The following OR10A6 variants were observed in gnomAD, a reference collection of about 807,000 sequenced individuals.
OR10A6 encodes olfactory receptor 10A6.
OR10A6 carries 2 observed loss-of-function variants against 1.5 expected under a neutral mutation model. The ratio of observed to expected loss-of-function variants is 1.31; its 90% CI spans 0.54 to 4.13. OR10A6 has a LOEUF of 4.13. Among genes scored for constraint, OR10A6 ranks in the 30% most tolerant of loss-of-function variants. OR10A6 has a pLI of 0.07. For missense variants in OR10A6, 492 were observed against 368.6 expected (o/e 1.33, Z -2.74); for synonymous variants, 169 against 137.3 (o/e 1.23, Z -1.61).
rs1425002301 is a variant in OR10A6, at chr11:7,924,636, A to G, written c.*3082T>C. On this transcript the variant is annotated 3_prime_UTR_variant, in exon 4 of 4. Coordinates refer to ENST00000641238, the MANE Select transcript of OR10A6 (RefSeq NM_001004461.2). ...TAACAGAAAACCTAGCAAATACTGG[A>G]TTAAACAAAGACAAGGTTTATTTCT... 1 of 151,426 alleles carries G rather than the reference A, an allele frequency of 6.6e-6. No homozygotes were observed. Among genetic ancestry groups the G allele is most frequent in the East Asian group, 1.9e-4 (1 of 5,180 alleles). The allele number at this position is 151,426 out of a possible 1,614,324, so 9.4% of individuals were successfully genotyped here.
chr11:7,928,473 G>A lies in OR10A6; in HGVS notation c.190C>T (p.Leu64=), dbSNP rs141585665. The change falls in exon 4 of 4, where the codon CTG becomes TTG. Residue 64 remains leucine (L), a synonymous_variant. Coordinates refer to ENST00000641238, the MANE Select transcript of OR10A6 (RefSeq NM_001004461.2). ...CTCAGGTCCACCACAGATAAGTTCAGGAGAAACAGGTACATGGGAACGTGG... is the reference window on the plus strand; with the variant it reads ...CTCAGGTCCACCACAGATAAGTTCAAGAGAAACAGGTACATGGGAACGTGG... ...SLHVPMYLFL[L]NLSVVDLSFS... 7.3e-5 allele frequency: 118 copies of A among 1,613,904 alleles called. 2 individuals are homozygous for A. The African/African-American group carries it at 1.4e-3, about 20-fold the overall frequency.
chr11:7,930,749 G>T (rs1859518968), intron 3 of OR10A6, 112 bp downstream of exon 3: 1 of 152,158 alleles, frequency 6.6e-6, no homozygotes, highest in Non-Finnish European at 1.5e-5. Context: ...TGTAAAAGTA[G>T]ATTGGTTTTA....
chr11:7,931,163 A>G (rs1197519072), intron 1 of OR10A6, 34 bp downstream of exon 1: 1 of 152,214 alleles, frequency 6.6e-6, no homozygotes, highest in African/African-American at 2.4e-5. Flanking sequence ...AAGTCCCACC[A>G]AAACGCACAG....
In OR10A6 at chr11:7,929,143, A is replaced by G. The variant is rs1859476639; in HGVS notation, c.-481T>C. ...TCCAATGTTACAGCATATTTGATAT[A>G]AACTTATTTAAAATATTAATTAGAT... On this transcript the variant is annotated 5_prime_UTR_variant, in exon 4 of 4. Transcript: ENST00000641238. The G allele has an allele frequency of 6.6e-6, 1 of 152,648 alleles. No homozygotes were observed. 9.5% of individuals were successfully genotyped at this position (152,648 alleles called of 1,614,324 possible). A position where few individuals can be genotyped will look rare whatever the true frequency, so the allele number is the denominator to read the frequency against.
At position 7,924,888 on chromosome 11, in the gene OR10A6, A is replaced by C. The variant is rs1159532391; in HGVS notation, c.*2830T>G. 3 of 152,126 alleles carry C rather than the reference A, an allele frequency of 2.0e-5. No individual in the cohort carries two copies. The highest frequency in any genetic ancestry group is 4.4e-5 in the Non-Finnish European group (3 of 68,032). 9.4% of individuals were successfully genotyped at this position (152,126 alleles called of 1,614,324 possible). A position where few individuals can be genotyped will look rare whatever the true frequency, so the allele number is the denominator to read the frequency against. ...GTTGAAGAGCAAAAAGTCCTTATTA[A>C]CTAAGTCACATTTTTAAAGAGTTTT... On this transcript the variant is annotated 3_prime_UTR_variant, in exon 4 of 4. Transcript: ENST00000641238.
In OR10A6 at chr11:7,927,752, A is replaced by G. The variant is rs764021077; in HGVS notation, c.911T>C (p.Leu304Ser). 13 of 1,613,688 alleles carry G rather than the reference A, an allele frequency of 8.1e-6. No homozygotes were observed. The East Asian group carries it at 2.9e-4, about 36-fold the overall frequency. Residue 304 changes from leucine (L) to serine (S), a missense_variant, in exon 4 of 4, where the codon TTA becomes TCA. Coordinates refer to ENST00000641238, the MANE Select transcript of OR10A6 (RefSeq NM_001004461.2). ...NSEMKRALMK[L>S]WRRRVVLHTI The stretch of plus-strand genomic sequence containing the variant: ...GTGTAAAACCACTCGCCTTCGCCAT[A>G]ATTTCATCAAAGCCCTCTTCATCTC...
At position 7,929,962 on chromosome 11, in the gene OR10A6, G is replaced by GTGTATATATATATATATATA. The variant is rs1433020713; in HGVS notation, c.-1301_-1300insTATATATATATATATATACA. On this transcript the variant is annotated 5_prime_UTR_variant, in exon 4 of 4. Coordinates refer to ENST00000641238, the MANE Select transcript of OR10A6 (RefSeq NM_001004461.2). ...AAGCTCTAGTAAGGTATGTGTATGT[G>GTGTATATATATATATATATA]TATGTATATATATATATATATATAT... 3.2e-4 allele frequency: 8 copies of GTGTATATATATATATATATA among 24,790 alleles called. No individual in the cohort carries two copies. Among genetic ancestry groups the GTGTATATATATATATATATA allele is most frequent in the African/African-American group, 1.4e-3 (8 of 5,730 alleles). The allele number at this position is 24,790 out of a possible 1,614,324, so 1.5% of individuals were successfully genotyped here.
rs1178653290 is a variant in OR10A6 at position 7,926,628 on chromosome 11, C to T, written c.*1090G>A. 6.6e-6 allele frequency: 1 copy of T among 152,130 alleles called. No homozygotes were observed. The highest frequency in any genetic ancestry group is 2.4e-5 in the African/African-American group (1 of 41,428). The allele number at this position is 152,130 out of a possible 1,614,324, so 9.4% of individuals were successfully genotyped here. ...CGCTTTATTACCCCACCTCCACCCC[C>T]AGAGCAGAAATGAAGGGTGTTGTCA... On this transcript the variant is annotated 3_prime_UTR_variant, in exon 4 of 4. Coordinates refer to ENST00000641238, the MANE Select transcript of OR10A6 (RefSeq NM_001004461.2).
At position 7,926,587 on chromosome 11, in the gene OR10A6, G is replaced by C; in HGVS notation, c.*1131C>G. 1 of 152,248 alleles carries C rather than the reference G, an allele frequency of 6.6e-6. No individual in the cohort carries two copies. Among genetic ancestry groups the C allele is most frequent in the East Asian group, 1.9e-4 (1 of 5,182 alleles). The allele number at this position is 152,248 out of a possible 1,614,324, so 9.4% of individuals were successfully genotyped here. A position where few individuals can be genotyped will look rare whatever the true frequency, so the allele number is the denominator to read the frequency against. On this transcript the variant is annotated 3_prime_UTR_variant, in exon 4 of 4. Transcript: ENST00000641238. Reference sequence around the variant, plus strand: ...TTTCCATCCAATGAATGATTGTTTTGTAGAAGTGTTCTAACCGCTTTATTA... The same window carrying C: ...TTTCCATCCAATGAATGATTGTTTTCTAGAAGTGTTCTAACCGCTTTATTA...
rs1179088565 is a variant in OR10A6, at chr11:7,926,535, A to G, written c.*1183T>C. On this transcript the variant is annotated 3_prime_UTR_variant, in exon 4 of 4. Coordinates refer to ENST00000641238, the MANE Select transcript of OR10A6 (RefSeq NM_001004461.2). ...TTGCAACTTCACCTTTATTTTTGGCAGAAGGAGTAGTGAAGAAAAGAAGGG... is the reference window on the plus strand; with the variant it reads ...TTGCAACTTCACCTTTATTTTTGGCGGAAGGAGTAGTGAAGAAAAGAAGGG... 1 of 152,160 alleles carries G rather than the reference A, an allele frequency of 6.6e-6. No individual in the cohort carries two copies. The highest frequency in any genetic ancestry group is 1.5e-5 in the Non-Finnish European group (1 of 68,016). The allele number at this position is 152,160 out of a possible 1,614,324, so 9.4% of individuals were successfully genotyped here.
rs769879762 is a variant in OR10A6, at chr11:7,927,950, A to G, written c.713T>C (p.Phe238Ser). 1.2e-6 allele frequency: 2 copies of G among 1,613,966 alleles called. No individual in the cohort carries two copies. The change falls in exon 4 of 4, where the codon TTT (phenylalanine) becomes TCT (serine). Residue 238 changes from phenylalanine (F) to serine (S), a missense_variant. Phe to Ser is a radical substitution (Grantham distance 155, BLOSUM62 -2). Transcript: ENST00000641238. The stretch of plus-strand genomic sequence containing the variant: ...TGTGAGGTGAGCGGCACAGGTGGAA[A>G]AGGCCTTTTGTCTCCCAGTGGTTGA... ...MPSTTGRQKA[F>S]STCAAHLTSV...
Position 7,927,793 on chromosome 11 carries a change from G to T in OR10A6, c.870C>A (p.Tyr290Ter), listed in dbSNP as rs770515212. The T allele has an allele frequency of 6.2e-6, 10 of 1,613,966 alleles. No individual in the cohort carries two copies. The highest frequency in any genetic ancestry group is 8.5e-6 in the Non-Finnish European group (10 of 1,179,918). ...LLTPLLNLLIYSLRNSEMKRA... is the reference protein window; with the variant it reads ...LLTPLLNLLI ...TCTTCATCTCACTATTTCGCAAACTGTAGATAAGCAGATTCAGCAGTGGTG... is the reference window on the plus strand; with the variant it reads ...TCTTCATCTCACTATTTCGCAAACTTTAGATAAGCAGATTCAGCAGTGGTG... Residue 290 changes from tyrosine (Y) to a stop codon, truncating the protein, a stop_gained, in exon 4 of 4, where the codon TAC (tyrosine) becomes TAA (stop). Coordinates refer to ENST00000641238, the MANE Select transcript of OR10A6 (RefSeq NM_001004461.2). LOFTEE classifies it low-confidence loss of function (END_TRUNC).
At position 7,928,724 on chromosome 11, in the gene OR10A6, T is replaced by C. The variant is rs930520164; in HGVS notation, c.-62A>G. 1 of 1,232,612 alleles carries C rather than the reference T, an allele frequency of 8.1e-7. No homozygotes were observed. Among genetic ancestry groups the C allele is most frequent in the Admixed American group, 2.5e-5 (1 of 39,478 alleles). 76.4% of individuals were successfully genotyped at this position (1,232,612 alleles called of 1,614,324 possible). ...TAGTATATACAGAATAAAGCCACAG[T>C]CCATTAGCTAAGAGTTCCAGTCTGC... On this transcript the variant is annotated 5_prime_UTR_variant, in exon 4 of 4. Coordinates refer to ENST00000641238, the MANE Select transcript of OR10A6 (RefSeq NM_001004461.2).
In OR10A6 at chr11:7,928,870, G is replaced by C. The variant is rs1859471778; in HGVS notation, c.-208C>G. Reference sequence around the variant, plus strand: ...TCCAAATATAAAAAATAGAAATGAAGAATTCTGGCTCAGAGATCTTGTCAA... The same window carrying C: ...TCCAAATATAAAAAATAGAAATGAACAATTCTGGCTCAGAGATCTTGTCAA... On this transcript the variant is annotated 5_prime_UTR_variant, in exon 4 of 4. Coordinates refer to ENST00000641238, the MANE Select transcript of OR10A6 (RefSeq NM_001004461.2). 1 of 405,616 alleles carries C rather than the reference G, an allele frequency of 2.5e-6. No homozygotes were observed. The highest frequency in any genetic ancestry group is 2.1e-5 in the African/African-American group (1 of 48,622). The allele number at this position is 405,616 out of a possible 1,614,324, so 25.1% of individuals were successfully genotyped here. A position where few individuals can be genotyped will look rare whatever the true frequency, so the allele number is the denominator to read the frequency against.
Position 7,928,176 on chromosome 11 carries a change from C to A in OR10A6, c.487G>T (p.Val163Leu). The change falls in exon 4 of 4, where the codon GTA (valine) becomes TTA (leucine). Residue 163 changes from valine to leucine, a missense_variant. Val to Leu is a conservative substitution (Grantham distance 32). Transcript: ENST00000641238. ...AGGCCACAAAAGGGAAAACTAGATA[C>A]CCATGATGTTTGAACAGTACCTAAC... Reference protein sequence around the residue: ...FMLGTVQTSWVSSFPFCGLNE... With the variant: ...FMLGTVQTSWLSSFPFCGLNE... The A allele has an allele frequency of 6.2e-7, 1 of 1,613,390 alleles. No individual in the cohort carries two copies. Among genetic ancestry groups the A allele is most frequent in the Non-Finnish European group, 8.5e-7 (1 of 1,179,510 alleles).
rs1212668378 is a variant in OR10A6, at chr11:7,927,303, A to T, written c.*415T>A. On this transcript the variant is annotated 3_prime_UTR_variant, in exon 4 of 4. Coordinates refer to ENST00000641238, the MANE Select transcript of OR10A6 (RefSeq NM_001004461.2). Reference sequence around the variant, plus strand: ...CAGTCTGAAGTTGTTAAAATCATTTAAAAAAGTAACTCAGTAATATCTATG... The same window carrying T: ...CAGTCTGAAGTTGTTAAAATCATTTTAAAAAGTAACTCAGTAATATCTATG... The T allele has an allele frequency of 1.3e-5, 2 of 158,002 alleles. No homozygotes were observed. Among genetic ancestry groups the T allele is most frequent in the Non-Finnish European group, 2.8e-5 (2 of 72,314 alleles). The allele number at this position is 158,002 out of a possible 1,614,324, so 9.8% of individuals were successfully genotyped here.
chr11:7,929,966 G>GTGTGTATA lies in OR10A6; in HGVS notation c.-1305_-1304insTATACACA, dbSNP rs1289108102. Reference sequence around the variant, plus strand: ...TCTAGTAAGGTATGTGTATGTGTATGTATATATATATATATATATATATAT... The same window carrying GTGTGTATA: ...TCTAGTAAGGTATGTGTATGTGTATGTGTGTATATATATATATATATATATATATATAT... On this transcript the variant is annotated 5_prime_UTR_variant, in exon 4 of 4. Coordinates refer to ENST00000641238, the MANE Select transcript of OR10A6 (RefSeq NM_001004461.2). 1.7e-5 allele frequency: 1 copy of GTGTGTATA among 57,262 alleles called. No individual in the cohort carries two copies. The highest frequency in any genetic ancestry group is 2.4e-4 in the Admixed American group (1 of 4,162). The allele number at this position is 57,262 out of a possible 1,614,324, so 3.5% of individuals were successfully genotyped here. A position where few individuals can be genotyped will look rare whatever the true frequency, so the allele number is the denominator to read the frequency against.
Position 7,926,964 on chromosome 11 carries a change from C to T in OR10A6, c.*754G>A, listed in dbSNP as rs1859413095. 6.6e-6 allele frequency: 1 copy of T among 152,056 alleles called. No homozygotes were observed. The highest frequency in any genetic ancestry group is 2.4e-5 in the African/African-American group (1 of 41,416). The allele number at this position is 152,056 out of a possible 1,614,324, so 9.4% of individuals were successfully genotyped here. The stretch of plus-strand genomic sequence containing the variant: ...TTTTTGCCTTATGAAAGAAATTTGA[C>T]CAAGTTTCAAAAAATATAGTTTATA... On this transcript the variant is annotated 3_prime_UTR_variant, in exon 4 of 4. Transcript: ENST00000641238.
In OR10A6 at chr11:7,926,240, C is replaced by T. The variant is rs990110229; in HGVS notation, c.*1478G>A. The T allele has an allele frequency of 6.6e-6, 1 of 152,380 alleles. No homozygotes were observed. Among genetic ancestry groups the T allele is most frequent in the Middle Eastern group, 3.1e-3 (1 of 318 alleles). 9.4% of individuals were successfully genotyped at this position (152,380 alleles called of 1,614,324 possible). ...TATCCCCTCTCTGCTGACAGTTGTT[C>T]TGTCCTTCAGTAAAATTCTTCTCCA... On this transcript the variant is annotated 3_prime_UTR_variant, in exon 4 of 4. Transcript: ENST00000641238.
Sources: allele counts gnomAD v4.1 joint callset, GRCh38; gene constraint gnomAD v4.1.1; transcripts MANE v1.5; gene names NCBI Gene and HGNC (gene_info 2026-07-23, HGNC 2026-07-21).